IMMP2L: variants seen among roughly 807,000 people sequenced by gnomAD.
IMMP2L encodes mitochondrial inner membrane protease subunit 2.
Under a neutral mutation model 19.3 loss-of-function variants are expected in IMMP2L, and 18 were observed. That is an observed-to-expected ratio of 0.93 (90% CI 0.64 to 1.38). The LOEUF is 1.38. Ranked by LOEUF, IMMP2L falls within the 40% of genes most tolerant of loss-of-function variation. The probability of loss-of-function intolerance (pLI) is 0.00; values close to 1 mark genes in which losing one functional copy is unlikely to be tolerated. For missense variants in IMMP2L, 233 were observed against 218.2 expected, an observed-to-expected ratio of 1.07 and a Z score of -0.43; for synonymous variants, 76 against 73.0, an observed-to-expected ratio of 1.04 and a Z score of -0.21.
Position 110,663,562 on chromosome 7 carries a change from C to T in IMMP2L, c.*40G>A. The T allele has an allele frequency of 6.2e-7, 1 of 1,605,112 alleles. No homozygotes were observed. Among genetic ancestry groups the T allele is most frequent in the Non-Finnish European group, 8.5e-7 (1 of 1,173,096 alleles). ...TCTTTTTTCCATTCCTTTCCAGTAA[C>T]TGGCCTCCCAATGCCAGCAACTCAG... On this transcript the variant is annotated 3_prime_UTR_variant, in exon 6 of 6. Transcript: ENST00000405709.
intron 4 of IMMP2L, among the ~76,000 whole-genome samples, chr7:110,890,929 C>A (rs1810724209): frequency 6.6e-6 from 1 of 151,920 alleles, no homozygotes; most frequent in African/African-American, 2.4e-5. Flanking sequence ...TTCTTGTTTC[C>A]ACAAGAAAGG....
intron 5 of IMMP2L, among the ~76,000 whole-genome samples, chr7:110,810,611 TA>T (rs1397064657): frequency 6.6e-6 from 1 of 151,994 alleles, no homozygotes; most frequent in Non-Finnish European, 1.5e-5. Context: ...CCTTAAGCAG[TA>T]GGATATAAAT....
At chr7:110,933,295 T>C in intron 4 of IMMP2L, among the ~76,000 whole-genome samples, 1 of 152,142 alleles carries the variant, frequency 6.6e-6, no homozygotes, top group Non-Finnish European at 1.5e-5. Context: ...AATACCACCT[T>C]GAACAGAGAT....
chr7:110,959,862 T>C (rs1230385143), intron 4 of IMMP2L, among the ~76,000 whole-genome samples: 1 of 151,964 alleles, frequency 6.6e-6, no homozygotes, highest in East Asian at 1.9e-4. Context: ...TTTGCATCAT[T>C]AACCCTTGCT....
intron 3 of IMMP2L, among the ~76,000 whole-genome samples, chr7:111,396,800 T>C (rs1394808845): frequency 6.6e-6 from 1 of 152,048 alleles, no homozygotes; most frequent in East Asian, 1.9e-4. Context: ...AGAAAACATT[T>C]TTCACTGGGT....
chr7:111,328,543 G>T (rs553857009), intron 3 of IMMP2L, among the ~76,000 whole-genome samples: 1 of 151,816 alleles, frequency 6.6e-6, no homozygotes, highest in Non-Finnish European at 1.5e-5. Context: ...AAAAGTAAGG[G>T]TTTATATTTT....
chr7:110,828,301 C>A (rs924444002), intron 5 of IMMP2L, among the ~76,000 whole-genome samples: 6 of 152,146 alleles, frequency 3.9e-5, no homozygotes, highest in African/African-American at 1.4e-4. Context: ...CTGACTCCTG[C>A]ACTAAGCCAT....
chr7:111,060,016 G>A (rs1179696952), intron 3 of IMMP2L, among the ~76,000 whole-genome samples: 1 of 152,110 alleles, frequency 6.6e-6, no homozygotes, highest in Non-Finnish European at 1.5e-5. Flanking sequence ...TAAGCTAATG[G>A]AAATGTTGCC....
chr7:111,204,004 T>C (rs186903280), intron 3 of IMMP2L, among the ~76,000 whole-genome samples: 17 of 152,276 alleles, frequency 1.1e-4, no homozygotes, highest in Admixed American at 4.6e-4. Flanking sequence ...AAATCACTTA[T>C]ACTTTTAAAG....
chr7:111,453,699 G>A (rs954049707), intron 3 of IMMP2L, among the ~76,000 whole-genome samples: 5 of 152,086 alleles, frequency 3.3e-5, no homozygotes, highest in African/African-American at 4.8e-5. Context: ...GGAAGTCCAG[G>A]TAATTGTCTG....
chr7:110,667,244 A>G (rs1458037640), intron 5 of IMMP2L, among the ~76,000 whole-genome samples: 1 of 152,016 alleles, frequency 6.6e-6, no homozygotes, highest in Non-Finnish European at 1.5e-5. Context: ...ATTTGTTTCT[A>G]TTTATACTCA....
intron 2 of IMMP2L, among the ~76,000 whole-genome samples, chr7:111,496,359 T>C (rs983950308): frequency 2.0e-5 from 3 of 152,146 alleles, no homozygotes; most frequent in Non-Finnish European, 4.4e-5. Flanking sequence ...TTATTACCCA[T>C]ACCCCTTCTG....
chr7:110,701,904 T>C (rs1029348507), intron 5 of IMMP2L, among the ~76,000 whole-genome samples: 1 of 152,106 alleles, frequency 6.6e-6, no homozygotes, highest in African/African-American at 2.4e-5. Flanking sequence ...TATAGTCAAA[T>C]AAATTGTGTT....
intron 3 of IMMP2L, among the ~76,000 whole-genome samples, chr7:111,181,921 C>T (rs1807753425): frequency 6.6e-6 from 1 of 151,880 alleles, no homozygotes; most frequent in South Asian, 2.1e-4. Flanking sequence ...ACCTTGCTTA[C>T]ATATAGAACA....
chr7:111,423,976 G>A (rs1301069376), intron 3 of IMMP2L, among the ~76,000 whole-genome samples: 2 of 151,790 alleles, frequency 1.3e-5, no homozygotes, highest in Admixed American at 6.6e-5. Flanking sequence ...ATGGTCAATG[G>A]TAAAGCAAGT....
At chr7:111,090,609 TA>T (rs201456063) in intron 3 of IMMP2L, among the ~76,000 whole-genome samples, 7,202 of 113,060 alleles carry the variant, frequency 0.064, 528 homozygotes, top group African/African-American at 0.2. Context: ...ATGTCATTGC[TA>T]AAAAAAAAAA....
intron 3 of IMMP2L, among the ~76,000 whole-genome samples, chr7:111,268,440 G>C (rs1328557699): frequency 7.1e-6 from 1 of 141,106 alleles, no homozygotes; most frequent in African/African-American, 2.7e-5. Flanking sequence ...ATGCCAAAGA[G>C]GTAAACTTGC....
At chr7:110,747,866 C>A (rs1449682668) in intron 5 of IMMP2L, among the ~76,000 whole-genome samples, 1 of 151,944 alleles carries the variant, frequency 6.6e-6, no homozygotes, top group African/African-American at 2.4e-5. Context: ...TCTCACCACA[C>A]CATTCAACAC....
In IMMP2L at chr7:110,924,309, A is replaced by C. The variant is rs545031680; in HGVS notation, c.306-37614T>G. 6.6e-6 allele frequency among the ~76,000 whole-genome samples: 1 copy of C among 152,244 alleles called. No individual in the cohort carries two copies. Among genetic ancestry groups the C allele is most frequent in the South Asian group, 2.1e-4 (1 of 4,820 alleles). Reference sequence around the variant, plus strand: ...ACGTTTGTAGTTCTGCAGGCAGATAAAAGGGTGTGGATAGGGATCGGGATT... The same window carrying C: ...ACGTTTGTAGTTCTGCAGGCAGATACAAGGGTGTGGATAGGGATCGGGATT... On this transcript the variant is annotated intron_variant, in intron 4 of 5. Coordinates refer to ENST00000405709, the MANE Select transcript of IMMP2L (RefSeq NM_032549.4). The surrounding 1 kb of genome is among the most constrained non-coding windows in gnomAD (Gnocchi z 4.2).
Sources: allele counts gnomAD v4.1 joint callset (sites outside exome capture counted in the v4.1 genomes callset), GRCh38; gene constraint gnomAD v4.1.1; non-coding constraint Gnocchi (gnomAD v3.1); transcripts MANE v1.5; gene names NCBI Gene and HGNC (gene_info 2026-07-23, HGNC 2026-07-21).